The following PLXNC1 variants were observed in gnomAD, a reference collection of about 807,000 sequenced individuals.
The protein encoded by PLXNC1 is plexin-C1.
PLXNC1 carries 75 observed loss-of-function variants against 178.2 expected under a neutral mutation model. The observed-to-expected ratio is 0.42, with a 90% confidence interval of 0.35 to 0.51. PLXNC1 has a LOEUF of 0.51. Among genes scored for constraint, PLXNC1 ranks in the 20% least tolerant of loss-of-function variants. PLXNC1 has a pLI of 0.02. For synonymous variants in PLXNC1, 790 were observed against 779.9 expected (o/e 1.01, Z -0.22); for missense variants, 1,503 against 1,984.4 (o/e 0.76, Z 4.61).
intron 4 of PLXNC1, among the ~76,000 whole-genome samples, chr12:94,199,942 G>T (rs1033441883): frequency 6.6e-6 from 1 of 152,156 alleles, no homozygotes; most frequent in Non-Finnish European, 1.5e-5. Context: ...CTACAGGCGC[G>T]TGCCACCATG....
intron 21 of PLXNC1, chr12:94,272,411 A>G (rs1029183205): frequency 6.6e-6 from 1 of 152,366 alleles, no homozygotes; most frequent in African/African-American, 2.4e-5. Flanking sequence ...GTCACCAGCC[A>G]TCTTTTAAGG....
At chr12:94,255,320 C>A in intron 17 of PLXNC1, 24 bp downstream of exon 17, 2 of 1,459,186 alleles carry the variant, frequency 1.4e-6, no homozygotes, top group Non-Finnish European at 1.9e-6. Flanking sequence ...GATCATATTC[C>A]GAAGGTTGAG....
intron 21 of PLXNC1, among the ~76,000 whole-genome samples, chr12:94,273,809 C>G (rs1265195054): frequency 6.6e-6 from 1 of 152,112 alleles, no homozygotes; most frequent in Non-Finnish European, 1.5e-5. Context: ...GCACATGCAG[C>G]TATAAGTAAG....
In PLXNC1 at chr12:94,149,891, C is replaced by T. The variant is rs1298665339; in HGVS notation, c.920C>T (p.Ala307Val). The T allele has an allele frequency of 6.3e-7, 1 of 1,588,206 alleles. No homozygotes were observed. ...SSLVEALDVW[A>V]GVFSAAAGEG... is the part of the protein sequence containing the mutation. ...CTAGTGGAGGCCCTGGACGTCTGGGCGGGAGTGTTCAGCGCGGCCGCTGGA... is the reference window on the plus strand; with the variant it reads ...CTAGTGGAGGCCCTGGACGTCTGGGTGGGAGTGTTCAGCGCGGCCGCTGGA... The change falls in exon 1 of 31, where the codon GCG becomes GTG. Residue 307 changes from alanine to valine, a missense_variant. Physicochemically the swap from Ala to Val is moderately conservative, Grantham distance 64. Around this residue, in one of 4 missense-constraint regions of PLXNC1, gnomAD observed 615 missense variants for 698.6 expected, o/e 0.88. Transcript: ENST00000258526.
chr12:94,215,606 A>G (rs1963624548), intron 5 of PLXNC1, among the ~76,000 whole-genome samples: 1 of 151,242 alleles, frequency 6.6e-6, no homozygotes. Context: ...AAAATAATTT[A>G]ATCCATGATT....
chr12:94,279,894 T>C (rs1404391386), intron 22 of PLXNC1: 9 of 651,002 alleles, frequency 1.4e-5, no homozygotes, highest in Non-Finnish European at 8.5e-6. Flanking sequence ...TCTTTAAATA[T>C]TACGTCTGTA....
chr12:94,200,798 C>G (rs1349119196), intron 4 of PLXNC1, among the ~76,000 whole-genome samples: 1 of 152,128 alleles, frequency 6.6e-6, no homozygotes, highest in Non-Finnish European at 1.5e-5. Flanking sequence ...ACAAAAGAAC[C>G]ACATGGAGCA....
At chr12:94,290,850 T>G (rs1369927070) in intron 23 of PLXNC1, among the ~76,000 whole-genome samples, 1 of 152,242 alleles carries the variant, frequency 6.6e-6, no homozygotes, top group Non-Finnish European at 1.5e-5. Flanking sequence ...ACTTAGCTGA[T>G]AAGGTTCAGA....
At chr12:94,208,554 GTCA>G (rs774967024) in intron 4 of PLXNC1, among the ~76,000 whole-genome samples, 174 of 152,282 alleles carry the variant, frequency 1.1e-3, no homozygotes, top group Non-Finnish European at 2.1e-3. Flanking sequence ...GCTGAATGTG[GTCA>G]TCATTTGGTT....
At chr12:94,278,387 A>G (rs889368769) in intron 21 of PLXNC1, among the ~76,000 whole-genome samples, 18 of 152,186 alleles carry the variant, frequency 1.2e-4, no homozygotes, top group Admixed American at 6.5e-4. Context: ...TTTTAGATCT[A>G]TTTGTTCTTA....
intron 12 of PLXNC1, among the ~76,000 whole-genome samples, chr12:94,247,046 T>A (rs1964548269): frequency 6.6e-6 from 1 of 152,102 alleles, no homozygotes; most frequent in African/African-American, 2.4e-5. Flanking sequence ...AATATATTTA[T>A]GTTATGTATT....
intron 28 of PLXNC1, among the ~76,000 whole-genome samples, chr12:94,302,070 GTC>G (rs1303399599): frequency 6.6e-6 from 1 of 151,996 alleles, no homozygotes; most frequent in Admixed American, 6.6e-5. Flanking sequence ...CCTTTTCACT[GTC>G]TCTCAGGTAA....
At chr12:94,227,269 A>G in intron 9 of PLXNC1, 34 bp downstream of exon 9, 1 of 1,323,746 alleles carries the variant, frequency 7.6e-7, no homozygotes, top group Non-Finnish European at 1.1e-6. Flanking sequence ...TGAGGGGAAA[A>G]CCTGTCTTTG....
intron 9 of PLXNC1, among the ~76,000 whole-genome samples, chr12:94,231,532 T>C (rs1964102648): frequency 1.3e-5 from 2 of 152,166 alleles, no homozygotes; most frequent in Non-Finnish European, 2.9e-5. Context: ...GATCTGGTAC[T>C]TATGAGGTAG....
At position 94,210,078 on chromosome 12, in the gene PLXNC1, A is replaced by G. The variant is rs148818381; in HGVS notation, c.1554+374A>G. On this transcript the variant is annotated intron_variant, in intron 5 of 30. Coordinates refer to ENST00000258526, the MANE Select transcript of PLXNC1 (RefSeq NM_005761.3). Reference sequence around the variant, plus strand: ...GATTCATGGTCAACGAGATACCTTAAAGGTGGCTTAATTGCAGAATTTTGT... The same window carrying G: ...GATTCATGGTCAACGAGATACCTTAGAGGTGGCTTAATTGCAGAATTTTGT... Among the ~76,000 whole-genome samples, 289 of 140,962 alleles carry G rather than the reference A, an allele frequency of 2.1e-3. 3 individuals are homozygous for G. Among genetic ancestry groups the G allele is most frequent in the African/African-American group, 6.6e-3 (274 of 41,228 alleles). The allele number at this position is 140,962 out of a possible 152,430, so 92.5% of individuals were successfully genotyped here. A position where few individuals can be genotyped will look rare whatever the true frequency, so the allele number is the denominator to read the frequency against.
intron 21 of PLXNC1, among the ~76,000 whole-genome samples, chr12:94,278,824 C>T (rs755223958): frequency 6.6e-6 from 1 of 152,014 alleles, no homozygotes; most frequent in Non-Finnish European, 1.5e-5. Context: ...GGTGAAACCC[C>T]GTCTCTACTA....
At chr12:94,269,935 G>A (rs969151152) in intron 21 of PLXNC1, among the ~76,000 whole-genome samples, 2 of 152,080 alleles carry the variant, frequency 1.3e-5, no homozygotes, top group Non-Finnish European at 2.9e-5. Flanking sequence ...ACATGTAATG[G>A]GTGCTTTAAA....
chr12:94,237,286 A>G (rs181070777), intron 9 of PLXNC1, among the ~76,000 whole-genome samples: 202 of 152,336 alleles, frequency 1.3e-3, no homozygotes, highest in African/African-American at 4.0e-3. Context: ...TCATTGGCCT[A>G]CGGTCAATGG....
rs145900010 is a variant in PLXNC1, at chr12:94,288,042, G to A, written c.3879+5641G>A. ...ACCACTCTAGAGACTGTGGCTCTGC[G>A]CAGGGCCTGAGGGATACCTTCCCCC... On this transcript the variant is annotated intron_variant, in intron 23 of 30. Transcript: ENST00000258526. Among the ~76,000 whole-genome samples, 405 of 152,350 alleles carry A rather than the reference G, an allele frequency of 2.7e-3. 1 individual carries two copies. The highest frequency in any genetic ancestry group is 9.3e-3 in the African/African-American group (385 of 41,584).
Sources: allele counts gnomAD v4.1 joint callset (sites outside exome capture counted in the v4.1 genomes callset), GRCh38; gene constraint gnomAD v4.1.1; regional missense constraint gnomAD v4.1.1; transcripts MANE v1.5; gene names NCBI Gene and HGNC (gene_info 2026-07-23, HGNC 2026-07-21).